Variants in HMCN2 observed in about 807,000 individuals in gnomAD.
HMCN2 encodes the protein hemicentin-2.
In HMCN2, 325 loss-of-function variants were observed where a neutral mutation model predicts 377.5. The ratio of observed to expected loss-of-function variants is 0.86; its 90% confidence interval spans 0.79 to 0.94. The LOEUF is 0.94. HMCN2 is among the 40% of genes least tolerant of loss of function. HMCN2 has a pLI of 0.00. For missense variants in HMCN2, 4,543 were observed against 4,725.3 expected (o/e 0.96, Z 1.13); for synonymous variants, 2,007 against 2,046.8 (o/e 0.98, Z 0.53).
chr9:130,281,698 G>A (rs543224355), intron 1 of HMCN2, among the ~76,000 whole-genome samples: 15 of 150,986 alleles, frequency 9.9e-5, no homozygotes, highest in East Asian at 7.8e-4. Flanking sequence ...GTTTGAGACC[G>A]GCCTGGCCAA....
chr9:130,397,886 A>G (rs1842682182), intron 74 of HMCN2, among the ~76,000 whole-genome samples: 1 of 152,138 alleles, frequency 6.6e-6, no homozygotes, highest in African/African-American at 2.4e-5. Flanking sequence ...GAAACCATGT[A>G]CAAAAGGTAA....
intron 44 of HMCN2, among the ~76,000 whole-genome samples, chr9:130,368,815 G>A (rs1337936673): frequency 2.0e-5 from 3 of 152,064 alleles, no homozygotes; most frequent in African/African-American, 7.2e-5. Context: ...TCACTCACTC[G>A]CTATCAATCA....
intron 1 of HMCN2, among the ~76,000 whole-genome samples, chr9:130,266,775 C>G (rs535961541): frequency 2.0e-5 from 3 of 152,218 alleles, no homozygotes; most frequent in African/African-American, 7.2e-5. Flanking sequence ...GCCCTAACTC[C>G]TTCTTCCCTG....
chr9:130,395,160 C>A (rs377271465), intron 70 of HMCN2, 51 bp from the exon 71 acceptor site: 7 of 1,277,200 alleles, frequency 5.5e-6, no homozygotes, highest in East Asian at 1.1e-4. Flanking sequence ...GACGGGCTCG[C>A]GGCAGGGGTG....
At position 130,370,000 on chromosome 9, in the gene HMCN2, G is replaced by T. The variant is rs1466650501; in HGVS notation, c.7069+149G>T. Reference sequence around the variant, plus strand: ...AGGGCTCTAATGAGAGCTGCTGGTGGGGGGAGCCACCAACACTGCTCTCAA... The same window carrying T: ...AGGGCTCTAATGAGAGCTGCTGGTGTGGGGAGCCACCAACACTGCTCTCAA... On this transcript the variant is annotated intron_variant, in intron 45 of 97. Coordinates refer to ENST00000683500, the MANE Select transcript of HMCN2 (RefSeq NM_001291815.2). The surrounding 1 kb of genome is among the most constrained non-coding windows in gnomAD (Gnocchi z 4.5). The T allele has an allele frequency of 3.4e-5, 12 of 354,726 alleles. No homozygotes were observed. The highest frequency in any genetic ancestry group is 4.7e-5 in the Non-Finnish European group (12 of 253,360). 22.0% of individuals were successfully genotyped at this position (354,726 alleles called of 1,614,324 possible).
intron 1 of HMCN2, among the ~76,000 whole-genome samples, chr9:130,282,602 G>GGGCCAC (rs1554926127): frequency 6.6e-6 from 1 of 152,214 alleles, no homozygotes; most frequent in African/African-American, 2.4e-5. Context: ...AGAGGGGCCG[G>GGGCCAC]GGCCACGGGG....
At chr9:130,373,585 ATGGATGGGTGGGTG>A (rs1841167090) in intron 48 of HMCN2, among the ~76,000 whole-genome samples, 1 of 48,408 alleles carries the variant, frequency 2.1e-5, no homozygotes, top group Admixed American at 3.6e-4. Context: ...GGATGGATGG[ATGGATGGGTGGGTG>A]GGTGGGTGGA....
intron 1 of HMCN2, 97 bp downstream of exon 1, chr9:130,266,234 G>C: frequency 2.8e-6 from 1 of 362,018 alleles, no homozygotes; most frequent in Non-Finnish European, 5.4e-6. Context: ...TGGACGTCGT[G>C]GGCTGCGCCG....
Position 130,349,063 on chromosome 9 carries a change from G to T in HMCN2, c.4235G>T (p.Gly1412Val), listed in dbSNP as rs1021822516. 7.7e-7 allele frequency: 1 copy of T among 1,304,234 alleles called. No homozygotes were observed. The highest frequency in any genetic ancestry group is 1.0e-6 in the Non-Finnish European group (1 of 988,938). 80.8% of individuals were successfully genotyped at this position (1,304,234 alleles called of 1,614,324 possible). The stretch of plus-strand genomic sequence containing the variant: ...CCCAGGATCCAGGAGGGTGATTCTG[G>T]GCTCTACTCCTGCCGGGCAGAGAAC... ...HFPRIQEGDS[G>V]LYSCRAENQA... is the part of the protein sequence containing the mutation. Residue 1412 changes from glycine (G) to valine (V), a missense_variant, in exon 28 of 98, where the codon GGG becomes GTG. Physicochemically the swap from Gly to Val is moderately radical, Grantham distance 109 (BLOSUM62 -3). Around this residue, in one of 5 missense-constraint regions of HMCN2, gnomAD observed 1,032 missense variants for 1,285.1 expected, o/e 0.80. Coordinates refer to ENST00000683500, the MANE Select transcript of HMCN2 (RefSeq NM_001291815.2).
intron 36 of HMCN2, 56 bp downstream of exon 36, chr9:130,358,542 G>A (rs1393073156): frequency 2.3e-6 from 3 of 1,301,330 alleles, no homozygotes; most frequent in Non-Finnish European, 3.0e-6. Context: ...GATCCCTTGG[G>A]GACCCTTGGG....
At chr9:130,291,892 ATTAAGTCCTCT>A (rs1835792884) in intron 4 of HMCN2, among the ~76,000 whole-genome samples, 1 of 152,100 alleles carries the variant, frequency 6.6e-6, no homozygotes, top group Non-Finnish European at 1.5e-5. Context: ...TGTTATGTCT[ATTAAGTCCTCT>A]TTGGTCTGAA....
chr9:130,295,071 G>A (rs890512898), intron 5 of HMCN2, 45 bp downstream of exon 5: 5 of 400,052 alleles, frequency 1.2e-5, no homozygotes, highest in African/African-American at 2.1e-5. Flanking sequence ...CCCCAAGACT[G>A]AGGTGGAAGC....
chr9:130,387,737 G>T (rs188299313), intron 61 of HMCN2, among the ~76,000 whole-genome samples: 10 of 152,264 alleles, frequency 6.6e-5, no homozygotes, highest in African/African-American at 2.4e-4. Flanking sequence ...CCAGGTGAGC[G>T]GTGGGCACAT....
At chr9:130,283,752 C>A (rs1364772922) in intron 1 of HMCN2, among the ~76,000 whole-genome samples, 2 of 152,138 alleles carry the variant, frequency 1.3e-5, no homozygotes, top group Non-Finnish European at 2.9e-5. Context: ...TGGTAGTTGT[C>A]CTGTCTTATT....
At chr9:130,411,615 A>AG (rs1294034800) in intron 85 of HMCN2, among the ~76,000 whole-genome samples, 1 of 151,710 alleles carries the variant, frequency 6.6e-6, no homozygotes, top group Non-Finnish European at 1.5e-5. Flanking sequence ...AAAAAAAAAA[A>AG]AAAGAACAAA....
At chr9:130,424,677 T>C (rs1844222416) in intron 87 of HMCN2, 99 bp from the exon 88 acceptor site, 18 of 1,272,114 alleles carry the variant, frequency 1.4e-5, no homozygotes, top group Non-Finnish European at 1.9e-5. Context: ...GGGGCTGAGC[T>C]CTCCTGGGGG....
intron 25 of HMCN2, among the ~76,000 whole-genome samples, chr9:130,343,542 C>T (rs1386976226): frequency 1.4e-4 from 22 of 152,300 alleles, no homozygotes; most frequent in South Asian, 1.2e-3. Context: ...CGACCCTCCC[C>T]GACCCAGGTC....
At chr9:130,371,181 C>T in intron 46 of HMCN2, 50 bp downstream of exon 46, 1 of 958,288 alleles carries the variant, frequency 1.0e-6, no homozygotes, top group Non-Finnish European at 1.2e-6. Context: ...GGGCTCTCTG[C>T]CTCTGACTCT....
chr9:130,300,226 C>T (rs1554933898), intron 8 of HMCN2, among the ~76,000 whole-genome samples: 1 of 152,004 alleles, frequency 6.6e-6, no homozygotes, highest in African/African-American at 2.4e-5. Context: ...ATTAATTCAC[C>T]TATCTATCCA....
Sources: allele counts gnomAD v4.1 joint callset (sites outside exome capture counted in the v4.1 genomes callset), GRCh38; gene constraint gnomAD v4.1.1; regional missense constraint gnomAD v4.1.1; non-coding constraint Gnocchi (gnomAD v3.1); transcripts MANE v1.5; gene names NCBI Gene and HGNC (gene_info 2026-07-23, HGNC 2026-07-21).